Variants in EPB41L1 observed in about 807,000 individuals in gnomAD.
The protein encoded by EPB41L1 is band 4.1-like protein 1.
EPB41L1 carries 29 observed loss-of-function variants against 97.8 expected under a neutral mutation model. The ratio of observed to expected loss-of-function variants is 0.30; its 90% confidence interval spans 0.22 to 0.40. The LOEUF is 0.40. EPB41L1 is among the 10% of genes least tolerant of loss of function. EPB41L1 has a pLI of 1.00. For missense variants in EPB41L1, 812 were observed against 1,162.3 expected, an observed-to-expected ratio of 0.70 and a Z score of 4.38; for synonymous variants, 383 against 459.2, an observed-to-expected ratio of 0.83 and a Z score of 2.12.
chr20:36,152,730 G>A (rs1802878434), upstream of EPB41L1: 1 of 320,154 alleles, frequency 3.1e-6, no homozygotes, highest in African/African-American at 2.2e-5. Flanking sequence ...AATGTGTGGT[G>A]AGCTAAACTC....
intron 1 of EPB41L1, among the ~76,000 whole-genome samples, chr20:36,163,289 G>T (rs767357211): frequency 2.6e-5 from 4 of 152,168 alleles, no homozygotes; most frequent in Non-Finnish European, 5.9e-5. Context: ...CTTAATTGGA[G>T]AGTAATATTT....
chr20:36,145,387 C>T (rs926787694), intron 2 of EPB41L1, among the ~76,000 whole-genome samples: 17 of 139,756 alleles, frequency 1.2e-4, no homozygotes, highest in African/African-American at 4.7e-4. Flanking sequence ...CAGAGGGAGA[C>T]TCCATCTCAA....
At chr20:36,138,262 CTTTTT>C (rs34787525) in intron 2 of EPB41L1, among the ~76,000 whole-genome samples, 2 of 131,826 alleles carry the variant, frequency 1.5e-5, no homozygotes, top group African/African-American at 2.8e-5. Flanking sequence ...ATGGTTAGCA[CTTTTT>C]TTTTTTTTTT....
In EPB41L1 at chr20:36,206,918, C is replaced by A; in HGVS notation, c.1669-2570C>A. 7.8e-7 allele frequency: 1 copy of A among 1,289,956 alleles called. No individual in the cohort carries two copies. The highest frequency in any genetic ancestry group is 1.0e-6 in the Non-Finnish European group (1 of 988,900). The allele number at this position is 1,289,956 out of a possible 1,614,324, so 79.9% of individuals were successfully genotyped here. A position where few individuals can be genotyped will look rare whatever the true frequency, so the allele number is the denominator to read the frequency against. ...CAGGGCGTGCATCCCGACCCCCAGG[C>A]CTGCGCCCTTCCTCGGGCCATCCCT... On this transcript the variant is annotated intron_variant, in intron 14 of 21. Transcript: ENST00000338074. This position sits in a 1 kb window ranked among gnomAD's most constrained non-coding sequence, Gnocchi z 5.5.
Position 36,189,253 on chromosome 20 carries a change from A to G in EPB41L1, c.1026+754A>G, listed in dbSNP as rs77645221. Among the ~76,000 whole-genome samples, 23 of 152,058 alleles carry G rather than the reference A, an allele frequency of 1.5e-4. No homozygotes were observed. In the East Asian group the frequency reaches 4.1e-3, roughly 27 times the overall value. On this transcript the variant is annotated intron_variant, in intron 9 of 21. Coordinates refer to ENST00000338074, the MANE Select transcript of EPB41L1 (RefSeq NM_012156.2). ...CCTCGCCTCTGGTGCTCTCCAGGTCATTTTCCTCATAGCTGCTGGAGAGAT... is the reference window on the plus strand; with the variant it reads ...CCTCGCCTCTGGTGCTCTCCAGGTCGTTTTCCTCATAGCTGCTGGAGAGAT...
chr20:36,197,081 G>A (rs144212130), intron 13 of EPB41L1, among the ~76,000 whole-genome samples: 184 of 152,216 alleles, frequency 1.2e-3, no homozygotes, highest in African/African-American at 4.0e-3. Flanking sequence ...CTATCTGGCT[G>A]TATCTCACCC....
intron 11 of EPB41L1, 42 bp from the exon 12 acceptor site, chr20:36,194,170 A>G (rs771058737): frequency 1.9e-5 from 31 of 1,611,790 alleles, no homozygotes; most frequent in South Asian, 1.5e-4. Context: ...GTTCTCTGGG[A>G]GGGGTCTCAC....
At chr20:36,102,393 T>G (rs2058049389) in intron 1 of EPB41L1, among the ~76,000 whole-genome samples, 1 of 152,230 alleles carries the variant, frequency 6.6e-6, no homozygotes, top group South Asian at 2.1e-4. Context: ...GCCTAACGTC[T>G]AGAGAAAGGT....
At chr20:36,133,597 C>G (rs1397033969) in intron 2 of EPB41L1, among the ~76,000 whole-genome samples, 1 of 152,172 alleles carries the variant, frequency 6.6e-6, no homozygotes, top group East Asian at 1.9e-4. Context: ...TGGCTCATGC[C>G]TATAATCCCA....
chr20:36,099,942 A>T (rs1045778960), intron 1 of EPB41L1, among the ~76,000 whole-genome samples: 1 of 152,138 alleles, frequency 6.6e-6, no homozygotes, highest in Admixed American at 6.5e-5. Flanking sequence ...ACCCCAAGAA[A>T]GGGGTCCCTG....
At position 36,154,905 on chromosome 20, in the gene EPB41L1, A is replaced by G; in HGVS notation, c.-15+9A>G. ...GGGAACCCCGGGCCCAGGTAGGCAC[A>G]TGGGGGAATCAGGTGGCTCTCGGGG... On this transcript the variant is annotated intron_variant, in intron 1 of 21. Coordinates refer to ENST00000338074, the MANE Select transcript of EPB41L1 (RefSeq NM_012156.2). The surrounding 1 kb of genome is among the most constrained non-coding windows in gnomAD (Gnocchi z 5.5). 1 of 1,094,144 alleles carries G rather than the reference A, an allele frequency of 9.1e-7. No individual in the cohort carries two copies. Among genetic ancestry groups the G allele is most frequent in the Non-Finnish European group, 1.1e-6 (1 of 892,096 alleles). 67.8% of individuals were successfully genotyped at this position (1,094,144 alleles called of 1,614,324 possible).
intron 2 of EPB41L1, among the ~76,000 whole-genome samples, chr20:36,124,926 TGG>T (rs374740269): frequency 1.3e-4 from 19 of 151,862 alleles, no homozygotes; most frequent in African/African-American, 3.6e-4. Context: ...GCATACATGG[TGG>T]GTAGGGGAGG....
chr20:36,222,470 C>G, intron 21 of EPB41L1, 76 bp downstream of exon 21: 1 of 1,216,478 alleles, frequency 8.2e-7, no homozygotes, highest in East Asian at 2.3e-5. Flanking sequence ...CCATTTCCAT[C>G]TGAGAAGCCA....
chr20:36,209,418 C>T lies in EPB41L1; in HGVS notation c.1669-70C>T, dbSNP rs2063004229. On this transcript the variant is annotated intron_variant, in intron 14 of 21. Coordinates refer to ENST00000338074, the MANE Select transcript of EPB41L1 (RefSeq NM_012156.2). The surrounding 1 kb of genome is among the most constrained non-coding windows in gnomAD (Gnocchi z 4.2). ...CCCCGAGATTTCTCCTGACATTCAC[C>T]ATCTTGATTTCTCTTTCTCTCTCTC... 1.3e-6 allele frequency: 2 copies of T among 1,539,562 alleles called. No homozygotes were observed. The highest frequency in any genetic ancestry group is 1.8e-6 in the Non-Finnish European group (2 of 1,131,976).
chr20:36,190,022 A>G lies in EPB41L1; in HGVS notation c.1027-255A>G, dbSNP rs1447914432. On this transcript the variant is annotated intron_variant, in intron 9 of 21. Transcript: ENST00000338074. This position sits in a 1 kb window ranked among gnomAD's most constrained non-coding sequence, Gnocchi z 5.8. ...CAACATAGTGAGACTCATTCTCTAC[A>G]AAAAATTAGCTGGTGTGGTGTCGTC... Among the ~76,000 whole-genome samples the G allele has an allele frequency of 6.6e-6, 1 of 151,964 alleles. No homozygotes were observed. The highest frequency in any genetic ancestry group is 2.4e-5 in the African/African-American group (1 of 41,360).
At position 36,203,333 on chromosome 20, in the gene EPB41L1, T is replaced by G. The variant is rs533144403; in HGVS notation, c.1668+5292T>G. ...TCGCCTTCTGAAATAAGGATAACGA[T>G]ATCTGCTTCACAAGTTGCCATTTGG... On this transcript the variant is annotated intron_variant, in intron 14 of 21. Coordinates refer to ENST00000338074, the MANE Select transcript of EPB41L1 (RefSeq NM_012156.2). Among the ~76,000 whole-genome samples the G allele has an allele frequency of 1.4e-4, 21 of 152,372 alleles. No homozygotes were observed. The South Asian group carries it at 4.4e-3, about 32-fold the overall frequency.
In EPB41L1 at chr20:36,206,543, G is replaced by A. The variant is rs1214995999; in HGVS notation, c.1669-2945G>A. 13 of 1,289,810 alleles carry A rather than the reference G, an allele frequency of 1.0e-5. No homozygotes were observed. In the East Asian group the frequency reaches 1.7e-4, roughly 17 times the overall value. The allele number at this position is 1,289,810 out of a possible 1,614,324, so 79.9% of individuals were successfully genotyped here. Reference sequence around the variant, plus strand: ...CCACCCCTGGAGGAGAGAAAAGGGCGCCTGGATGCCCCTCCCGGAGGTGAG... The same window carrying A: ...CCACCCCTGGAGGAGAGAAAAGGGCACCTGGATGCCCCTCCCGGAGGTGAG... On this transcript the variant is annotated intron_variant, in intron 14 of 21. Coordinates refer to ENST00000338074, the MANE Select transcript of EPB41L1 (RefSeq NM_012156.2). This position sits in a 1 kb window ranked among gnomAD's most constrained non-coding sequence, Gnocchi z 5.5.
intron 1 of EPB41L1, among the ~76,000 whole-genome samples, chr20:36,163,476 ACTT>A (rs1389197920): frequency 6.6e-6 from 1 of 152,128 alleles, no homozygotes; most frequent in African/African-American, 2.4e-5. Context: ...GCCTTCCTTG[ACTT>A]CTTAGCTTAT....
intron 6 of EPB41L1, among the ~76,000 whole-genome samples, chr20:36,184,863 G>GA (rs1328618145): frequency 1.3e-5 from 2 of 152,194 alleles, no homozygotes; most frequent in Non-Finnish European, 2.9e-5. Flanking sequence ...AATTGAGTTA[G>GA]AAATTGAAAA....
Sources: allele counts gnomAD v4.1 joint callset (sites outside exome capture counted in the v4.1 genomes callset), GRCh38; gene constraint gnomAD v4.1.1; non-coding constraint Gnocchi (gnomAD v3.1); transcripts MANE v1.5; gene names NCBI Gene and HGNC (gene_info 2026-07-23, HGNC 2026-07-21).